Variants in HNRNPR observed in about 807,000 individuals in gnomAD.
HNRNPR encodes heterogeneous nuclear ribonucleoprotein R.
Under a neutral mutation model 70.3 loss-of-function variants are expected in HNRNPR, and 4 were observed. The observed-to-expected ratio is 0.06, with a 90% CI of 0.03 to 0.13. HNRNPR has a LOEUF of 0.13. Ranked by LOEUF, HNRNPR falls within the 10% of genes least tolerant of loss-of-function variation. The pLI is 1.00. For synonymous variants in HNRNPR, 241 were observed against 267.6 expected (o/e 0.90, Z 0.97); for missense variants, 423 against 788.5 (o/e 0.54, Z 5.55).
intron 8 of HNRNPR, among the ~76,000 whole-genome samples, chr1:23,317,183 G>A (rs1645577952): frequency 6.6e-6 from 1 of 152,122 alleles, no homozygotes; most frequent in Non-Finnish European, 1.5e-5. Context: ...CTGAGGCCGG[G>A]CGCAGTGGCT....
chr1:23,334,983 T>A (rs1200027115), intron 4 of HNRNPR, among the ~76,000 whole-genome samples: 1 of 152,016 alleles, frequency 6.6e-6, no homozygotes, highest in Non-Finnish European at 1.5e-5. Flanking sequence ...AGTGGCGCGA[T>A]CTTGGCTCAC....
intron 4 of HNRNPR, among the ~76,000 whole-genome samples, chr1:23,334,475 A>G (rs897504647): frequency 4.4e-4 from 67 of 152,018 alleles, no homozygotes; most frequent in African/African-American, 1.5e-3. Context: ...TGATCTCGTG[A>G]TCCACCCGAC....
intron 9 of HNRNPR, among the ~76,000 whole-genome samples, 192 bp downstream of exon 9, chr1:23,313,361 C>T (rs1051161015): frequency 6.6e-6 from 1 of 152,156 alleles, no homozygotes; most frequent in African/African-American, 2.4e-5. Context: ...AGATCACAAA[C>T]TCAGTAATAA....
Position 23,318,945 on chromosome 1 carries a change from C to T in HNRNPR, c.812-257G>A, listed in dbSNP as rs1346403940. ...CTACTATATTCTGACATTTAACATG[C>T]TACAATGTTTTAGAGCGTTTGATAT... On this transcript the variant is annotated intron_variant, in intron 7 of 10. Transcript: ENST00000302271. This position sits in a 1 kb window ranked among gnomAD's most constrained non-coding sequence, Gnocchi z 4.2. Among the ~76,000 whole-genome samples, 2 of 152,154 alleles carry T rather than the reference C, an allele frequency of 1.3e-5. No homozygotes were observed. The highest frequency in any genetic ancestry group is 2.9e-5 in the Non-Finnish European group (2 of 68,020).
At position 23,306,123 on chromosome 1, in the gene HNRNPR, G is replaced by C. The variant is rs1430120401; in HGVS notation, c.*4331C>G. On this transcript the variant is annotated 3_prime_UTR_variant, in exon 11 of 11. Transcript: ENST00000302271. ...AAATGACAGTTAAAGCAAATTTATTGTCTCTCCAAGAGACTTTTTAAGATT... is the reference window on the plus strand; with the variant it reads ...AAATGACAGTTAAAGCAAATTTATTCTCTCTCCAAGAGACTTTTTAAGATT... 1 of 151,998 alleles carries C rather than the reference G, an allele frequency of 6.6e-6. No homozygotes were observed. Among genetic ancestry groups the C allele is most frequent in the Admixed American group, 6.6e-5 (1 of 15,260 alleles). The allele number at this position is 151,998 out of a possible 1,614,324, so 9.4% of individuals were successfully genotyped here. A position where few individuals can be genotyped will look rare whatever the true frequency, so the allele number is the denominator to read the frequency against.
chr1:23,328,524 G>A (rs1216131696), intron 5 of HNRNPR, among the ~76,000 whole-genome samples: 2 of 152,274 alleles, frequency 1.3e-5, no homozygotes, highest in Non-Finnish European at 2.9e-5. Context: ...TTTTGAGATG[G>A]AGTCTTGCTC....
intron 5 of HNRNPR, among the ~76,000 whole-genome samples, chr1:23,332,025 G>A (rs552222902): frequency 6.6e-6 from 1 of 151,740 alleles, no homozygotes; most frequent in South Asian, 2.1e-4. Context: ...CCAGCTACTC[G>A]GGAGGTTAAG....
At chr1:23,336,895 A>G (rs1435222832) in intron 4 of HNRNPR, among the ~76,000 whole-genome samples, 1 of 152,214 alleles carries the variant, frequency 6.6e-6, no homozygotes, top group Non-Finnish European at 1.5e-5. Context: ...TGTTTATCTA[A>G]GTAATAAAAT....
chr1:23,317,899 G>C (rs1645612158), intron 8 of HNRNPR, among the ~76,000 whole-genome samples: 1 of 151,910 alleles, frequency 6.6e-6, no homozygotes, highest in Non-Finnish European at 1.5e-5. Context: ...AGAATCGCTT[G>C]AACCTGGGAG....
rs1645261162 is a variant in HNRNPR at position 23,309,574 on chromosome 1, G to A, written c.*880C>T. ...ATTTCAAAATTAGAAGAGACTATGA[G>A]AGAACACCAATCAATGAAAGTGCTA... On this transcript the variant is annotated 3_prime_UTR_variant, in exon 11 of 11. Transcript: ENST00000302271. The A allele has an allele frequency of 6.6e-6, 1 of 151,760 alleles. No homozygotes were observed. The highest frequency in any genetic ancestry group is 6.6e-5 in the Admixed American group (1 of 15,212). 9.4% of individuals were successfully genotyped at this position (151,760 alleles called of 1,614,324 possible). A position where few individuals can be genotyped will look rare whatever the true frequency, so the allele number is the denominator to read the frequency against.
chr1:23,344,005 A>C (rs946894177), intron 1 of HNRNPR, among the ~76,000 whole-genome samples: 2 of 151,752 alleles, frequency 1.3e-5, no homozygotes, highest in African/African-American at 2.4e-5. Flanking sequence ...GGGCGGGGGG[A>C]GGAAGAGCGA....
At chr1:23,335,949 CTACTAAAAA>C (rs1267631879) in intron 4 of HNRNPR, among the ~76,000 whole-genome samples, 2 of 147,486 alleles carry the variant, frequency 1.4e-5, no homozygotes, top group Non-Finnish European at 3.0e-5. Context: ...AACCCCGTCT[CTACTAAAAA>C]TACAAAAAAT....
intron 1 of HNRNPR, 125 bp from the exon 2 acceptor site, chr1:23,341,142 T>G: frequency 1.5e-6 from 1 of 667,264 alleles, no homozygotes. Context: ...AAATAATAAT[T>G]TATTCCTCCT....
intron 3 of HNRNPR, 130 bp downstream of exon 3, chr1:23,338,360 T>C: frequency 2.1e-6 from 1 of 478,302 alleles, no homozygotes; most frequent in Non-Finnish European, 3.8e-6. Flanking sequence ...GTTTTTTTCC[T>C]TTAAACTAAT....
Position 23,306,810 on chromosome 1 carries a change from A to C in HNRNPR, c.*3644T>G, listed in dbSNP as rs1436049151. ...GTTTGAAAATTAAGACCTAATCAACAAACTTCTAATATAAAAGTAAACATG... is the reference window on the plus strand; with the variant it reads ...GTTTGAAAATTAAGACCTAATCAACCAACTTCTAATATAAAAGTAAACATG... On this transcript the variant is annotated 3_prime_UTR_variant, in exon 11 of 11. Transcript: ENST00000302271. 6.6e-6 allele frequency: 1 copy of C among 152,218 alleles called. No individual in the cohort carries two copies. Among genetic ancestry groups the C allele is most frequent in the Non-Finnish European group, 1.5e-5 (1 of 68,036 alleles). The allele number at this position is 152,218 out of a possible 1,614,324, so 9.4% of individuals were successfully genotyped here.
Position 23,311,020 on chromosome 1 carries a change from T to C in HNRNPR, c.1336A>G (p.Ile446Val), listed in dbSNP as rs201330041. The C allele has an allele frequency of 2.1e-4, 337 of 1,613,862 alleles. 1 individual carries two copies. The highest frequency in any genetic ancestry group is 2.4e-4 in the Non-Finnish European group (281 of 1,179,948). ...YHPPPRMPPP[I>V]RGRGRGGGRG... The stretch of plus-strand genomic sequence containing the variant: ...CCCCCACCACGACCCCGACCTCTAA[T>C]TGGAGGTGGCATGCGAGGAGGAGGG... Residue 446 changes from isoleucine to valine, a missense_variant, in exon 11 of 11, where the codon ATT becomes GTT. This residue lies in a region of HNRNPR where 169 missense variants were observed against 195.6 expected (regional missense o/e 0.86). Transcript: ENST00000302271.
In HNRNPR at chr1:23,313,722, C is replaced by T. The variant is rs149104833; in HGVS notation, c.1018-20G>A. 1,612 of 1,596,688 alleles carry T rather than the reference C, an allele frequency of 1.0e-3. 20 individuals are homozygous for T. The African/African-American group carries it at 0.019, about 18-fold the overall frequency. On this transcript the variant is annotated intron_variant, in intron 8 of 10. Coordinates refer to ENST00000302271, the MANE Select transcript of HNRNPR (RefSeq NM_005826.5). ...TTTTACCTAGTAAGCAACAAATAAA[C>T]AAAACCGTCATTGGCTACTTAATTT...
At chr1:23,338,465 A>G in intron 3 of HNRNPR, 25 bp downstream of exon 3, 2 of 899,368 alleles carry the variant, frequency 2.2e-6, no homozygotes, top group Admixed American at 2.7e-5. Flanking sequence ...AATTGTTCAA[A>G]GACATTTCTG....
At chr1:23,333,136 CGT>C (rs1491062345) in intron 5 of HNRNPR, among the ~76,000 whole-genome samples, 1 of 151,960 alleles carries the variant, frequency 6.6e-6, no homozygotes. Context: ...TTGCTGAGAC[CGT>C]GTCACTGCAC....
Sources: gnomAD v4.1 joint callset for allele counts (sites outside exome capture counted in the v4.1 genomes callset) on GRCh38, gnomAD v4.1.1 for gene constraint, gnomAD v4.1.1 regional missense constraint, Gnocchi (gnomAD v3.1) non-coding constraint, MANE v1.5 for transcripts, NCBI Gene and HGNC (gene_info 2026-07-23, HGNC 2026-07-21) for gene names.